Variants in LDAH observed in about 807,000 individuals in gnomAD.
LDAH encodes lipid droplet-associated hydrolase.
In LDAH, 26 loss-of-function variants were observed where a neutral mutation model predicts 29.6. The observed-to-expected ratio is 0.88, with a 90% CI of 0.64 to 1.22. LDAH has a LOEUF of 1.22. Ranked by LOEUF, LDAH falls within the 50% of genes most tolerant of loss-of-function variation. The probability of loss-of-function intolerance (pLI) is 0.00; values close to 1 mark genes in which losing one functional copy is unlikely to be tolerated. For synonymous variants in LDAH, 117 were observed against 133.0 expected (o/e 0.88, Z 0.83); for missense variants, 344 against 387.3 (o/e 0.89, Z 0.94).
At chr2:20,736,618 G>A (rs1666808352) in intron 5 of LDAH, among the ~76,000 whole-genome samples, 1 of 152,090 alleles carries the variant, frequency 6.6e-6, no homozygotes, top group Non-Finnish European at 1.5e-5. Context: ...TCTAAAAATG[G>A]AGAAGTTCCC....
At chr2:20,770,536 T>C (rs571912045) in intron 4 of LDAH, among the ~76,000 whole-genome samples, 33 of 152,308 alleles carry the variant, frequency 2.2e-4, no homozygotes, top group Non-Finnish European at 3.7e-4. Flanking sequence ...ATTTTTAACA[T>C]ATAGAGGGTT....
intron 5 of LDAH, among the ~76,000 whole-genome samples, chr2:20,730,094 G>A (rs1156860265): frequency 1.3e-5 from 2 of 152,098 alleles, no homozygotes; most frequent in African/African-American, 2.4e-5. Flanking sequence ...TTTTTTCACT[G>A]AGCATAATTC....
intron 4 of LDAH, among the ~76,000 whole-genome samples, chr2:20,743,082 A>T (rs1371430885): frequency 2.0e-5 from 3 of 152,032 alleles, no homozygotes; most frequent in South Asian, 4.1e-4. Context: ...CACTTAGACC[A>T]CTGATGTTCA....
rs113973454 is a variant in LDAH, at chr2:20,822,662, G to A, written c.-3+375C>T. 4.1e-3 allele frequency among the ~76,000 whole-genome samples: 622 copies of A among 152,320 alleles called. 6 individuals are homozygous for A. The highest frequency in any genetic ancestry group is 0.014 in the African/African-American group (587 of 41,568). ...GTGAGCACTAAACGCCGGGGGCAAA[G>A]AACACTCCCGGCCCAGAGTTTGACC... On this transcript the variant is annotated intron_variant, in intron 1 of 6. Coordinates refer to ENST00000237822, the MANE Select transcript of LDAH (RefSeq NM_021925.4).
intron 5 of LDAH, among the ~76,000 whole-genome samples, chr2:20,721,793 A>C (rs572555221): frequency 1.6e-4 from 24 of 152,348 alleles, no homozygotes; most frequent in African/African-American, 5.8e-4. Context: ...TGATAGGTCT[A>C]TATCCAAAAG....
chr2:20,706,323 C>T (rs1558394945), intron 5 of LDAH, among the ~76,000 whole-genome samples: 1 of 152,132 alleles, frequency 6.6e-6, no homozygotes, highest in South Asian at 2.1e-4. Flanking sequence ...AAAATCTGAT[C>T]CCAACCTATG....
chr2:20,756,184 G>A lies in LDAH; in HGVS notation c.469-15979C>T, dbSNP rs182295932. ...CAAGTAGCCAGGATTACAAGTGTGC[G>A]CCACCATGCCCAGCTAATTTTTGTA... is the stretch of plus-strand genomic sequence containing the variant. On this transcript the variant is annotated intron_variant, in intron 4 of 6. Transcript: ENST00000237822. Among the ~76,000 whole-genome samples the A allele has an allele frequency of 4.6e-5, 7 of 152,118 alleles. No individual in the cohort carries two copies. The East Asian group carries it at 1.4e-3, about 29-fold the overall frequency.
In LDAH at chr2:20,686,881, G is replaced by T; in HGVS notation, c.*22C>A. The T allele has an allele frequency of 6.2e-7, 1 of 1,601,572 alleles. No individual in the cohort carries two copies. Among genetic ancestry groups the T allele is most frequent in the Non-Finnish European group, 8.5e-7 (1 of 1,172,224 alleles). ...TGACTGCCTCCATGTACTGGCAGTG[G>T]GGGCTTGTTCCTCAGGCCAATTTAC... is the stretch of plus-strand genomic sequence containing the variant. On this transcript the variant is annotated 3_prime_UTR_variant, in exon 7 of 7. Coordinates refer to ENST00000237822, the MANE Select transcript of LDAH (RefSeq NM_021925.4).
chr2:20,789,958 C>A (rs745333568), intron 3 of LDAH, among the ~76,000 whole-genome samples: 6 of 152,290 alleles, frequency 3.9e-5, no homozygotes, highest in Non-Finnish European at 8.8e-5. Flanking sequence ...TTTTCCCCAC[C>A]ATTCCTCCTA....
At chr2:20,801,962 G>GTGTGTGTGTGTGTGTA (rs1671718095) in intron 1 of LDAH, among the ~76,000 whole-genome samples, 2 of 138,042 alleles carry the variant, frequency 1.4e-5, no homozygotes, top group African/African-American at 6.6e-5. Context: ...GTGTGTATGT[G>GTGTGTGTGTGTGTGTA]TGTGTGTGTG....
At chr2:20,719,687 C>T (rs1665506699) in intron 5 of LDAH, among the ~76,000 whole-genome samples, 1 of 151,920 alleles carries the variant, frequency 6.6e-6, no homozygotes, top group South Asian at 2.1e-4. Context: ...AACCACAGGC[C>T]AATATAACTG....
intron 5 of LDAH, among the ~76,000 whole-genome samples, chr2:20,739,461 T>C (rs1667024553): frequency 6.6e-6 from 1 of 152,200 alleles, no homozygotes. Context: ...AAACATTTCC[T>C]AGCATATTCA....
In LDAH at chr2:20,757,719, G is replaced by T. The variant is rs537399697; in HGVS notation, c.468+17091C>A. On this transcript the variant is annotated intron_variant, in intron 4 of 6. Transcript: ENST00000237822. ...GTGAGTGAGCCTCATCCAATCAGTT[G>T]AAGGTCTGACTAGAACCAAAAGGTT... is the stretch of plus-strand genomic sequence containing the variant. 1.2e-4 allele frequency among the ~76,000 whole-genome samples: 19 copies of T among 152,238 alleles called. No homozygotes were observed. In the East Asian group the frequency reaches 3.7e-3, roughly 29 times the overall value.
At chr2:20,775,282 A>T (rs963084652) in intron 3 of LDAH, among the ~76,000 whole-genome samples, 1 of 152,188 alleles carries the variant, frequency 6.6e-6, no homozygotes, top group Non-Finnish European at 1.5e-5. Flanking sequence ...CCAAATCCTC[A>T]AAGTCCATGA....
chr2:20,789,118 A>G, intron 3 of LDAH: 1 of 1,550,102 alleles, frequency 6.5e-7, no homozygotes, highest in Admixed American at 2.0e-5. Context: ...TCCATGCCCT[A>G]AATCCAAATT....
In LDAH at chr2:20,743,958, A is replaced by C. The variant is rs1222720265; in HGVS notation, c.469-3753T>G. On this transcript the variant is annotated intron_variant, in intron 4 of 6. Transcript: ENST00000237822. The stretch of plus-strand genomic sequence containing the variant: ...TATGTTGAGACATTCTCAGGCTCAG[A>C]GACTCTTTCTTCAGCCATGTTCAAT... Among the ~76,000 whole-genome samples, 3 of 151,418 alleles carry C rather than the reference A, an allele frequency of 2.0e-5. No individual in the cohort carries two copies. In the East Asian group the frequency reaches 5.8e-4, roughly 29 times the overall value.
At chr2:20,763,368 T>C (rs1385522316) in intron 4 of LDAH, among the ~76,000 whole-genome samples, 1 of 152,222 alleles carries the variant, frequency 6.6e-6, no homozygotes, top group Non-Finnish European at 1.5e-5. Context: ...TTGGAAAGCT[T>C]AGGTAGGTGG....
Position 20,691,595 on chromosome 2 carries a change from G to A in LDAH, c.787-4501C>T, listed in dbSNP as rs1461297785. Among the ~76,000 whole-genome samples, 3 of 152,120 alleles carry A rather than the reference G, an allele frequency of 2.0e-5. No individual in the cohort carries two copies. In the East Asian group the frequency reaches 5.8e-4, roughly 29 times the overall value. ...TGGAATTGTTAACAAAGAATCGCAG[G>A]CAATCAGCAGGATGTTTACATTCAA... On this transcript the variant is annotated intron_variant, in intron 6 of 6. Transcript: ENST00000237822.
chr2:20,689,228 T>C (rs2149326463), intron 6 of LDAH, among the ~76,000 whole-genome samples: 1 of 152,340 alleles, frequency 6.6e-6, no homozygotes, highest in Admixed American at 6.5e-5. Context: ...GGTTGTTACC[T>C]GGGGTTCCAG....
Sources: allele counts gnomAD v4.1 joint callset (sites outside exome capture counted in the v4.1 genomes callset), GRCh38; gene constraint gnomAD v4.1.1; transcripts MANE v1.5; gene names NCBI Gene and HGNC (gene_info 2026-07-23, HGNC 2026-07-21).